Variants in TMEM132D observed in about 807,000 individuals in gnomAD.
The protein encoded by TMEM132D is transmembrane protein 132D.
A neutral mutation model predicts 62.3 loss-of-function variants in TMEM132D; 21 were observed. The ratio of observed to expected loss-of-function variants is 0.34; its 90% confidence interval spans 0.24 to 0.49. TMEM132D has a LOEUF of 0.49. Ranked by LOEUF, TMEM132D falls within the 20% of genes least tolerant of loss-of-function variation. The pLI is 0.99. For missense variants in TMEM132D, 1,346 were observed against 1,402.8 expected, an observed-to-expected ratio of 0.96 and a Z score of 0.65; for synonymous variants, 621 against 575.6, an observed-to-expected ratio of 1.08 and a Z score of -1.13.
intron 2 of TMEM132D, among the ~76,000 whole-genome samples, chr12:129,581,973 C>A (rs1350989025): frequency 1.3e-5 from 2 of 152,212 alleles, no homozygotes; most frequent in Non-Finnish European, 2.9e-5. Flanking sequence ...GCCCAGAACA[C>A]CATCACTACC....
At chr12:129,578,783 T>C (rs1877758180) in intron 2 of TMEM132D, among the ~76,000 whole-genome samples, 2 of 152,116 alleles carry the variant, frequency 1.3e-5, no homozygotes, top group Non-Finnish European at 2.9e-5. Flanking sequence ...CTTAAGCAAC[T>C]GGTCAGAGTT....
intron 2 of TMEM132D, among the ~76,000 whole-genome samples, chr12:129,693,185 G>A (rs1305005894): frequency 6.6e-6 from 1 of 152,122 alleles, no homozygotes; most frequent in Non-Finnish European, 1.5e-5. Flanking sequence ...AATGAGGCGT[G>A]ACAAGCCCTT....
intron 5 of TMEM132D, among the ~76,000 whole-genome samples, chr12:129,140,214 CCACACA>C (rs58179230): frequency 2.7e-5 from 4 of 148,544 alleles, no homozygotes; most frequent in African/African-American, 7.5e-5. Context: ...GGCGCTGTTA[CCACACA>C]CACACACACA....
chr12:129,427,525 G>A (rs1872534197), intron 3 of TMEM132D, among the ~76,000 whole-genome samples: 1 of 152,014 alleles, frequency 6.6e-6, no homozygotes, highest in South Asian at 2.1e-4. Context: ...CCTGCACGTT[G>A]TGCACATGTA....
At chr12:129,592,285 C>G (rs1028641351) in intron 2 of TMEM132D, among the ~76,000 whole-genome samples, 1 of 152,166 alleles carries the variant, frequency 6.6e-6, no homozygotes, top group Admixed American at 6.5e-5. Context: ...CCAGGTTCCA[C>G]GGATCATCTT....
chr12:129,377,429 A>C (rs1321778568), intron 3 of TMEM132D, among the ~76,000 whole-genome samples: 1 of 152,210 alleles, frequency 6.6e-6, no homozygotes, highest in Non-Finnish European at 1.5e-5. Flanking sequence ...GTGTGAGTCA[A>C]GGGGAGGTCT....
intron 5 of TMEM132D, among the ~76,000 whole-genome samples, chr12:129,187,352 T>C (rs746234164): frequency 6.6e-6 from 1 of 152,068 alleles, no homozygotes; most frequent in Admixed American, 6.5e-5. Flanking sequence ...CCCTAACAAA[T>C]ACAGGGGGAG....
In TMEM132D at chr12:129,699,405, G is replaced by A. The variant is rs78430879; in HGVS notation, c.968+405C>T. 8.4e-3 allele frequency among the ~76,000 whole-genome samples: 1,280 copies of A among 152,280 alleles called. 16 individuals are homozygous for A. Among genetic ancestry groups the A allele is most frequent in the African/African-American group, 0.028 (1,143 of 41,558 alleles). On this transcript the variant is annotated intron_variant, in intron 2 of 8. Transcript: ENST00000422113. ...ATAGATTTTGAGTTGGCAAAACCGT[G>A]TTCCCTGTCCTTTCTGACAACTGTT...
chr12:129,902,194 C>G (rs1050123894), intron 1 of TMEM132D, among the ~76,000 whole-genome samples: 1 of 152,224 alleles, frequency 6.6e-6, no homozygotes, highest in Non-Finnish European at 1.5e-5. Flanking sequence ...TCTGGAAGAA[C>G]TCAGAGAACA....
chr12:129,871,328 A>T (rs1874234632), intron 1 of TMEM132D, among the ~76,000 whole-genome samples: 1 of 152,074 alleles, frequency 6.6e-6, no homozygotes, highest in Admixed American at 6.5e-5. Flanking sequence ...TGATATCATG[A>T]GGGCAAGTCT....
At chr12:129,196,315 G>A (rs891370810) in intron 5 of TMEM132D, among the ~76,000 whole-genome samples, 4 of 152,168 alleles carry the variant, frequency 2.6e-5, no homozygotes, top group African/African-American at 4.8e-5. Context: ...AAGGGCATGT[G>A]TCCCTCAGTC....
At position 129,084,714 on chromosome 12, in the gene TMEM132D, T is replaced by A. The variant is rs567362548; in HGVS notation, c.1444-12A>T. On this transcript the variant is annotated splice_polypyrimidine_tract_variant and intron_variant, in intron 5 of 8. Coordinates refer to ENST00000422113, the MANE Select transcript of TMEM132D (RefSeq NM_133448.3). ...CATCTGTCAGAAACCTGTGAAGAGG[T>A]GAGAGAGAAAAGGGGAGGGAAAGGT... is the stretch of plus-strand genomic sequence containing the variant. The A allele has an allele frequency of 1.2e-6, 2 of 1,612,078 alleles. No individual in the cohort carries two copies. Among genetic ancestry groups the A allele is most frequent in the African/African-American group, 1.3e-5 (1 of 74,696 alleles).
intron 5 of TMEM132D, among the ~76,000 whole-genome samples, chr12:129,090,511 A>T (rs1415366187): frequency 2.6e-5 from 4 of 152,030 alleles, no homozygotes; most frequent in Admixed American, 1.3e-4. Flanking sequence ...CTAAAAATAT[A>T]AAAAAAATTA....
intron 5 of TMEM132D, among the ~76,000 whole-genome samples, chr12:129,101,286 A>G (rs1875300657): frequency 6.6e-6 from 1 of 152,140 alleles, no homozygotes; most frequent in Non-Finnish European, 1.5e-5. Context: ...GCATTTGTCG[A>G]TTTGCCAATT....
chr12:129,185,773 G>GTCTGTCTGTCTGTCTATCTA (rs796145548), intron 5 of TMEM132D, among the ~76,000 whole-genome samples: 2,546 of 135,944 alleles, frequency 0.019, 25 homozygotes, highest in Non-Finnish European at 0.023. Flanking sequence ...CTGTCTGTCT[G>GTCTGTCTGTCTGTCTATCTA]TCTATCTATC....
chr12:129,648,251 A>C (rs1455400996), intron 2 of TMEM132D, among the ~76,000 whole-genome samples: 2 of 152,036 alleles, frequency 1.3e-5, no homozygotes, highest in African/African-American at 4.8e-5. Flanking sequence ...ACACTGCCTC[A>C]TCCTGTCCTG....
chr12:129,400,078 A>G (rs1376699176), intron 3 of TMEM132D, among the ~76,000 whole-genome samples: 2 of 152,252 alleles, frequency 1.3e-5, no homozygotes, highest in East Asian at 3.9e-4. Flanking sequence ...AGACAGAGAA[A>G]TATGGTTTCA....
chr12:129,187,583 A>T (rs1878253544), intron 5 of TMEM132D, among the ~76,000 whole-genome samples: 1 of 135,786 alleles, frequency 7.4e-6, no homozygotes. Context: ...AATGTTTTCA[A>T]ATTGTAATGG....
intron 5 of TMEM132D, among the ~76,000 whole-genome samples, chr12:129,190,571 C>T (rs1395668508): frequency 1.2e-4 from 14 of 120,890 alleles, no homozygotes; most frequent in African/African-American, 4.2e-4. Context: ...TGGGGGCCTG[C>T]AGATGGAGGG....
Sources: gnomAD v4.1 joint callset for allele counts (sites outside exome capture counted in the v4.1 genomes callset) on GRCh38, gnomAD v4.1.1 for gene constraint, MANE v1.5 for transcripts, NCBI Gene and HGNC (gene_info 2026-07-23, HGNC 2026-07-21) for gene names.